Variants in TMEM17 observed in about 807,000 individuals in gnomAD.
TMEM17 encodes transmembrane protein 17.
In TMEM17, 15 loss-of-function variants were observed where a neutral mutation model predicts 19.1. The ratio of observed to expected loss-of-function variants is 0.78; its 90% CI spans 0.52 to 1.21. TMEM17 has a LOEUF of 1.21. TMEM17 is among the 50% of genes most tolerant of loss of function. The pLI is 0.00. For synonymous variants in TMEM17, 103 were observed against 86.9 expected, an observed-to-expected ratio of 1.19 and a Z score of -1.03; for missense variants, 245 against 242.3, an observed-to-expected ratio of 1.01 and a Z score of -0.07.
chr2:62,466,605 C>T, the TMEM17 span, among the ~76,000 whole-genome samples: 10 of 152,238 alleles, frequency 6.6e-5, no homozygotes, highest in Admixed American at 5.9e-4. Context: ...GCAGATGCCA[C>T]CCTCCCTGAG....
chr2:62,487,049 T>C, the TMEM17 span, among the ~76,000 whole-genome samples: 2 of 152,186 alleles, frequency 1.3e-5, no homozygotes, highest in Non-Finnish European at 2.9e-5. Context: ...AATAATTGTG[T>C]TAGTTTCCAA....
the TMEM17 span, among the ~76,000 whole-genome samples, chr2:62,490,934 C>T: frequency 6.6e-6 from 1 of 151,954 alleles, no homozygotes; most frequent in African/African-American, 2.4e-5. Context: ...AAAAAATTAG[C>T]TGGGCGCAGT....
the TMEM17 span, among the ~76,000 whole-genome samples, chr2:62,455,672 C>A: frequency 6.6e-6 from 1 of 152,166 alleles, no homozygotes; most frequent in Non-Finnish European, 1.5e-5. Flanking sequence ...GAGGCTGAGG[C>A]AGGAGAATTG....
At chr2:62,453,882 G>T in the TMEM17 span, among the ~76,000 whole-genome samples, 2 of 152,208 alleles carry the variant, frequency 1.3e-5, no homozygotes, top group Non-Finnish European at 2.9e-5. Flanking sequence ...ACTTGCCTGT[G>T]CTTGCATCTC....
At chr2:62,501,600 A>T in intron 3 of TMEM17, 113 bp from the exon 4 acceptor site, 1 of 1,055,952 alleles carries the variant, frequency 9.5e-7, no homozygotes, top group Non-Finnish European at 1.3e-6. Context: ...TCTGTGAGTG[A>T]TTCCAAAGGA....
the TMEM17 span, among the ~76,000 whole-genome samples, chr2:62,477,024 G>C: frequency 6.6e-6 from 1 of 152,136 alleles, no homozygotes; most frequent in Non-Finnish European, 1.5e-5. Context: ...ACTGGGGAGA[G>C]AGAGGGAAGG....
At chr2:62,496,204 G>A (rs567255514), downstream of TMEM17, among the ~76,000 whole-genome samples, 4 of 152,064 alleles carry the variant, frequency 2.6e-5, no homozygotes, top group African/African-American at 9.6e-5. Context: ...ACTATTTTTA[G>A]AATTGTGCGT....
At chr2:62,454,026 G>A in the TMEM17 span, among the ~76,000 whole-genome samples, 1 of 152,232 alleles carries the variant, frequency 6.6e-6, no homozygotes, top group African/African-American at 2.4e-5. Flanking sequence ...TTTTCTAGAA[G>A]GAACTCTTTT....
chr2:62,475,593 C>G, the TMEM17 span, among the ~76,000 whole-genome samples: 3 of 152,224 alleles, frequency 2.0e-5, no homozygotes, highest in African/African-American at 7.2e-5. Context: ...ACAAGAGCCT[C>G]CTGCCCTGCT....
the TMEM17 span, among the ~76,000 whole-genome samples, chr2:62,465,297 A>G: frequency 6.6e-6 from 1 of 152,202 alleles, no homozygotes; most frequent in South Asian, 2.1e-4. Context: ...AATCATGAGA[A>G]AAACATCAGA....
At chr2:62,485,311 C>T in the TMEM17 span, among the ~76,000 whole-genome samples, 12 of 152,200 alleles carry the variant, frequency 7.9e-5, no homozygotes, top group African/African-American at 2.9e-4. Context: ...ATTGATTAGA[C>T]TTCTACATTC....
chr2:62,502,358 A>T, intron 3 of TMEM17, 79 bp downstream of exon 3: 2 of 951,608 alleles, frequency 2.1e-6, no homozygotes, highest in Non-Finnish European at 3.2e-6. Flanking sequence ...TCTTTCTGCC[A>T]CACCTCACTG....
At chr2:62,494,593 G>A in the TMEM17 span, among the ~76,000 whole-genome samples, 22 of 151,908 alleles carry the variant, frequency 1.4e-4, no homozygotes, top group Non-Finnish European at 2.9e-4. Flanking sequence ...TCAAGATCAG[G>A]AACTAAAAAC....
In TMEM17 at chr2:62,501,153, C is replaced by T; in HGVS notation, c.*56G>A. ...CCTTTTCTCAGAGCTCTGATATTTTCCTAACTCTTACAGTCTCTAGAATGA... is the reference window on the plus strand; with the variant it reads ...CCTTTTCTCAGAGCTCTGATATTTTTCTAACTCTTACAGTCTCTAGAATGA... On this transcript the variant is annotated 3_prime_UTR_variant, in exon 4 of 4. Transcript: ENST00000335390. 1 of 1,551,834 alleles carries T rather than the reference C, an allele frequency of 6.4e-7. No individual in the cohort carries two copies. The highest frequency in any genetic ancestry group is 8.7e-7 in the Non-Finnish European group (1 of 1,145,898).
chr2:62,459,650 T>C, the TMEM17 span, among the ~76,000 whole-genome samples: 1 of 152,276 alleles, frequency 6.6e-6, no homozygotes, highest in East Asian at 1.9e-4. Context: ...TTTCATGTAG[T>C]CTGCATAAGC....
chr2:62,462,899 CT>C, the TMEM17 span, among the ~76,000 whole-genome samples: 1 of 152,228 alleles, frequency 6.6e-6, no homozygotes, highest in Non-Finnish European at 1.5e-5. Flanking sequence ...CCCTCTGCCC[CT>C]CTGCAGAGGC....
chr2:62,499,535 T>G (rs1241236389), downstream of TMEM17, among the ~76,000 whole-genome samples: 2 of 152,188 alleles, frequency 1.3e-5, no homozygotes, highest in African/African-American at 2.4e-5. Context: ...GGGAGAAATA[T>G]TTGGCTGAAC....
chr2:62,463,270 T>C, the TMEM17 span: 1 of 152,202 alleles, frequency 6.6e-6, no homozygotes, highest in Non-Finnish European at 1.5e-5. Flanking sequence ...GGTCAGAGGC[T>C]TTGGTGCCTG....
chr2:62,482,268 G>A, the TMEM17 span, among the ~76,000 whole-genome samples: 1 of 152,202 alleles, frequency 6.6e-6, no homozygotes, highest in Non-Finnish European at 1.5e-5. Flanking sequence ...GCCACCACAT[G>A]TCCTAAACAA....
Sources: gnomAD v4.1 joint callset for allele counts (sites outside exome capture counted in the v4.1 genomes callset) on GRCh38, gnomAD v4.1.1 for gene constraint, MANE v1.5 for transcripts, NCBI Gene and HGNC (gene_info 2026-07-23, HGNC 2026-07-21) for gene names.